Variants in ERC2 observed in about 807,000 individuals in gnomAD.
The protein encoded by ERC2 is ELKS/RAB6-interacting/CAST family member 2.
In ERC2, 42 loss-of-function variants were observed where a neutral mutation model predicts 114.8. The ratio of observed to expected loss-of-function variants is 0.37; its 90% confidence interval spans 0.29 to 0.47. The LOEUF (loss-of-function observed/expected upper bound fraction) is 0.47. ERC2 is among the 20% of genes least tolerant of loss of function. ERC2 has a pLI of 0.99. For synonymous variants in ERC2, 454 were observed against 425.5 expected, an observed-to-expected ratio of 1.07 and a Z score of -0.82; for missense variants, 939 against 1,150.7, an observed-to-expected ratio of 0.82 and a Z score of 2.66.
At chr3:56,079,386 A>G (rs923127) in intron 7 of ERC2, among the ~76,000 whole-genome samples, 29,607 of 152,078 alleles carry the variant, frequency 0.19, 3,215 homozygotes, top group African/African-American at 0.28. Context: ...CAGAATGAGA[A>G]TGTCCCCATA....
intron 3 of ERC2, among the ~76,000 whole-genome samples, chr3:56,243,344 A>G (rs936062223): frequency 6.6e-6 from 1 of 152,228 alleles, no homozygotes; most frequent in Non-Finnish European, 1.5e-5. Context: ...TTTCAAAGTG[A>G]ACACAGAGTA....
At chr3:55,897,317 A>G (rs1334489945) in intron 13 of ERC2, among the ~76,000 whole-genome samples, 1 of 152,186 alleles carries the variant, frequency 6.6e-6, no homozygotes, top group Non-Finnish European at 1.5e-5. Context: ...AAATATTTTG[A>G]TAAAGCTATT....
chr3:56,396,241 A>G (rs898660526), intron 2 of ERC2, among the ~76,000 whole-genome samples: 1 of 152,196 alleles, frequency 6.6e-6, no homozygotes, highest in East Asian at 1.9e-4. Flanking sequence ...TATTTGTAAT[A>G]CTAAAAAACT....
At position 56,105,456 on chromosome 3, in the gene ERC2, G is replaced by A. The variant is rs375238683; in HGVS notation, c.1474-24472C>T. Reference sequence around the variant, plus strand: ...TCCTCCTGAGTAGCTAGGACTACAGGTGTGCATCACCACACCTAAGTTGTT... The same window carrying A: ...TCCTCCTGAGTAGCTAGGACTACAGATGTGCATCACCACACCTAAGTTGTT... On this transcript the variant is annotated intron_variant, in intron 6 of 17. Transcript: ENST00000288221. Among the ~76,000 whole-genome samples the A allele has an allele frequency of 1.6e-4, 25 of 152,210 alleles. No homozygotes were observed. In the South Asian group the frequency reaches 2.7e-3, roughly 16 times the overall value.
chr3:56,067,491 C>A (rs941339212), intron 7 of ERC2, among the ~76,000 whole-genome samples: 1 of 152,138 alleles, frequency 6.6e-6, no homozygotes, highest in Non-Finnish European at 1.5e-5. Flanking sequence ...ATGTCATCTG[C>A]AAATAGAGAC....
rs571473167 is a variant in ERC2 at position 55,543,412 on chromosome 3, G to T, written c.*40-32136C>A. Among the ~76,000 whole-genome samples, 42 of 152,194 alleles carry T rather than the reference G, an allele frequency of 2.8e-4. 1 individual carries two copies. The highest frequency in any genetic ancestry group is 1.5e-5 in the Non-Finnish European group (1 of 68,048). On this transcript the variant is annotated intron_variant, in intron 17 of 17. Coordinates refer to ENST00000288221, the MANE Select transcript of ERC2 (RefSeq NM_015576.3). ...CGATGAAAAAGGAAGGCTCCCACGTGGGGGATGTTCTCATAAAGATGAGTG... is the reference window on the plus strand; with the variant it reads ...CGATGAAAAAGGAAGGCTCCCACGTTGGGGATGTTCTCATAAAGATGAGTG...
At chr3:56,025,401 A>C (rs1247614246) in intron 7 of ERC2, among the ~76,000 whole-genome samples, 5 of 152,180 alleles carry the variant, frequency 3.3e-5, no homozygotes, top group Non-Finnish European at 7.3e-5. Flanking sequence ...TAAAGGGATC[A>C]GTTTGGCTAA....
chr3:56,044,344 T>A (rs2075353722), intron 7 of ERC2, among the ~76,000 whole-genome samples: 1 of 152,112 alleles, frequency 6.6e-6, no homozygotes, highest in South Asian at 2.1e-4. Flanking sequence ...GTTTTAGGAT[T>A]TTTTTTTCAA....
intron 14 of ERC2, among the ~76,000 whole-genome samples, chr3:55,809,383 T>C (rs1455925669): frequency 2.0e-5 from 3 of 152,058 alleles, no homozygotes; most frequent in Non-Finnish European, 2.9e-5. Flanking sequence ...AGTAGACAAA[T>C]GGGACTACAT....
chr3:56,358,122 T>G (rs116080588), intron 2 of ERC2, among the ~76,000 whole-genome samples: 2,955 of 152,086 alleles, frequency 0.019, 103 homozygotes, highest in African/African-American at 0.068. Context: ...AGTTTCAGAG[T>G]CAGAAAATGA....
chr3:56,466,564 G>A (rs2107599557), intron 1 of ERC2, among the ~76,000 whole-genome samples: 1 of 152,218 alleles, frequency 6.6e-6, no homozygotes, highest in East Asian at 1.9e-4. Context: ...TGAGAAAAAG[G>A]CAAACTCTAC....
At position 55,635,191 on chromosome 3, in the gene ERC2, CT is replaced by C. The variant is rs532271796; in HGVS notation, c.*39+48602del. 3.6e-3 allele frequency among the ~76,000 whole-genome samples: 543 copies of C among 151,692 alleles called. 2 individuals are homozygous for C. The highest frequency in any genetic ancestry group is 0.012 in the African/African-American group (510 of 41,348). On this transcript the variant is annotated intron_variant, in intron 17 of 17. Coordinates refer to ENST00000288221, the MANE Select transcript of ERC2 (RefSeq NM_015576.3). ...AGCCACCGTGCCCGGCCTATTATTT[CT>C]TTTTTCTACAAATCCTTTTTTTGAC...
chr3:55,754,282 C>G (rs1051352724), intron 14 of ERC2, among the ~76,000 whole-genome samples: 2 of 151,684 alleles, frequency 1.3e-5, no homozygotes, highest in Non-Finnish European at 2.9e-5. Context: ...TAGTGTTTAC[C>G]ATGGTATCAC....
chr3:55,846,871 G>C (rs756880399), intron 14 of ERC2, among the ~76,000 whole-genome samples: 2 of 152,134 alleles, frequency 1.3e-5, no homozygotes, highest in Non-Finnish European at 2.9e-5. Flanking sequence ...CAGAAAGCTT[G>C]CACAGTTTGT....
chr3:55,768,737 G>A (rs1371641638), intron 14 of ERC2, among the ~76,000 whole-genome samples: 4 of 152,160 alleles, frequency 2.6e-5, no homozygotes, highest in South Asian at 2.1e-4. Context: ...CAATGGGGCC[G>A]GAGCTTAGGA....
At chr3:55,893,366 T>C (rs193116470) in intron 13 of ERC2, among the ~76,000 whole-genome samples, 149 of 152,296 alleles carry the variant, frequency 9.8e-4, no homozygotes, top group African/African-American at 3.3e-3. Context: ...AGGGGATGCA[T>C]TGAGGTCTGT....
At chr3:56,141,887 T>C (rs2080876634) in intron 5 of ERC2, among the ~76,000 whole-genome samples, 1 of 152,178 alleles carries the variant, frequency 6.6e-6, no homozygotes, top group African/African-American at 2.4e-5. Context: ...CTGAGACTGG[T>C]TTATAATTTT....
chr3:55,926,326 C>T (rs564496100), intron 13 of ERC2, among the ~76,000 whole-genome samples: 14 of 151,838 alleles, frequency 9.2e-5, no homozygotes, highest in Non-Finnish European at 1.5e-4. Context: ...GGTCTACATG[C>T]TGTGCCTAAA....
chr3:55,765,629 C>T (rs1026162993), intron 14 of ERC2, among the ~76,000 whole-genome samples: 10 of 152,140 alleles, frequency 6.6e-5, no homozygotes, highest in Admixed American at 5.2e-4. Context: ...TTGAGTGGGT[C>T]GTTACTTGAG....
Sources: gnomAD v4.1 joint callset for allele counts (sites outside exome capture counted in the v4.1 genomes callset) on GRCh38, gnomAD v4.1.1 for gene constraint, MANE v1.5 for transcripts, NCBI Gene and HGNC (gene_info 2026-07-23, HGNC 2026-07-21) for gene names.